The following SUMF1 variants were observed in gnomAD, a reference collection of about 807,000 sequenced individuals.
SUMF1 encodes the protein formylglycine-generating enzyme.
A neutral mutation model predicts 47.6 loss-of-function variants in SUMF1; 48 were observed. The ratio of observed to expected loss-of-function variants is 1.01; its 90% CI spans 0.80 to 1.28. The LOEUF is 1.28. Among genes scored for constraint, SUMF1 ranks in the 50% most tolerant of loss-of-function variants. The pLI is 0.00. For synonymous variants in SUMF1, 230 were observed against 192.1 expected (o/e 1.20, Z -1.63); for missense variants, 571 against 485.4 (o/e 1.18, Z -1.66).
intron 8 of SUMF1, among the ~76,000 whole-genome samples, chr3:4,177,275 C>A (rs1694987484): frequency 6.6e-6 from 1 of 152,070 alleles, no homozygotes; most frequent in African/African-American, 2.4e-5. Context: ...CTAAAATTGA[C>A]CACATAATTG....
At position 4,170,541 on chromosome 3, in the gene SUMF1, A is replaced by G. The variant is rs1342893852; in HGVS notation, c.1015-101796T>C. 2.6e-5 allele frequency among the ~76,000 whole-genome samples: 4 copies of G among 152,214 alleles called. No homozygotes were observed. The East Asian group carries it at 7.7e-4, about 29-fold the overall frequency. ...TTTAAAATTGCATTTGATTTTGAAA[A>G]ATGAACACAGTTGGAAGATTTACAC... On this transcript the variant is annotated intron_variant and NMD_transcript_variant, in intron 8 of 12. Coordinates refer to the SUMF1 transcript ENST00000448413.
intron 8 of SUMF1, among the ~76,000 whole-genome samples, chr3:4,338,006 T>A (rs1465073454): frequency 6.6e-6 from 1 of 152,212 alleles, no homozygotes; most frequent in Non-Finnish European, 1.5e-5. Flanking sequence ...ACACCAGGCC[T>A]CCCCTCTATC....
chr3:4,385,630 T>TAA (rs760518008), intron 7 of SUMF1, among the ~76,000 whole-genome samples: 38 of 152,374 alleles, frequency 2.5e-4, no homozygotes, highest in Admixed American at 3.9e-4. Flanking sequence ...CTAGTTTTTA[T>TAA]AAAGTCCAGT....
intron 8 of SUMF1, among the ~76,000 whole-genome samples, chr3:4,180,706 AG>A (rs1389957515): frequency 6.6e-6 from 1 of 151,872 alleles, no homozygotes; most frequent in Admixed American, 6.6e-5. Flanking sequence ...ACACAAAATT[AG>A]CCAGGCATGG....
At chr3:4,181,772 A>G (rs1899782) in intron 8 of SUMF1, among the ~76,000 whole-genome samples, 72,278 of 151,820 alleles carry the variant, frequency 0.48, 17,405 homozygotes, top group East Asian at 0.58. Context: ...GGCTCCAAGA[A>G]CCCAGGACCA....
intron 8 of SUMF1, among the ~76,000 whole-genome samples, chr3:4,251,831 AC>A (rs2125010870): frequency 6.6e-6 from 1 of 152,328 alleles, no homozygotes; most frequent in Admixed American, 6.5e-5. Context: ...AAGATAACTC[AC>A]TGAAGGCTCA....
At chr3:4,330,660 A>T (rs111727902) in intron 8 of SUMF1, among the ~76,000 whole-genome samples, 1 of 152,220 alleles carries the variant, frequency 6.6e-6, no homozygotes, top group Admixed American at 6.5e-5. Flanking sequence ...CAAATCAGAC[A>T]GCATGAGGCC....
intron 8 of SUMF1, among the ~76,000 whole-genome samples, chr3:4,291,565 A>G (rs1348619906): frequency 6.6e-6 from 1 of 152,140 alleles, no homozygotes; most frequent in Non-Finnish European, 1.5e-5. Context: ...GTGAATAAGG[A>G]TTTTATACTT....
chr3:4,170,736 T>C (rs1036100936), intron 8 of SUMF1, among the ~76,000 whole-genome samples: 3 of 152,128 alleles, frequency 2.0e-5, no homozygotes, highest in East Asian at 1.9e-4. Context: ...GAAAAAAGAA[T>C]TGTCTTTTCA....
chr3:4,061,820 A>C (rs1200372780), intron 9 of SUMF1, among the ~76,000 whole-genome samples: 3 of 152,150 alleles, frequency 2.0e-5, no homozygotes, highest in Non-Finnish European at 4.4e-5. Context: ...CTGTTTACAC[A>C]TCTAGTTAGG....
At chr3:4,440,105 G>A (rs1385007839) in intron 3 of SUMF1, among the ~76,000 whole-genome samples, 4 of 151,736 alleles carry the variant, frequency 2.6e-5, no homozygotes, top group Non-Finnish European at 5.9e-5. Flanking sequence ...GCTTGGTGGC[G>A]GGAGCCTATA....
At chr3:4,440,712 T>C (rs1349369698) in intron 3 of SUMF1, among the ~76,000 whole-genome samples, 1 of 152,244 alleles carries the variant, frequency 6.6e-6, no homozygotes, top group African/African-American at 2.4e-5. Context: ...TGAAAGTGAC[T>C]TTCAGTTGAA....
At chr3:4,357,898 G>A (rs960009084), downstream of SUMF1, among the ~76,000 whole-genome samples, 33 of 151,970 alleles carry the variant, frequency 2.2e-4, no homozygotes, top group Middle Eastern at 3.2e-3. Context: ...ATGAGCCACC[G>A]TGCCTGGCCC....
At chr3:4,120,072 G>A (rs12106726) in intron 8 of SUMF1, among the ~76,000 whole-genome samples, 1 of 152,062 alleles carries the variant, frequency 6.6e-6, no homozygotes, top group East Asian at 1.9e-4. Flanking sequence ...AGCTGAGCCA[G>A]GCACAATGTT....
intron 7 of SUMF1, among the ~76,000 whole-genome samples, chr3:4,395,786 G>A (rs1197537394): frequency 6.6e-6 from 1 of 152,146 alleles, no homozygotes; most frequent in Non-Finnish European, 1.5e-5. Context: ...GTCACTTTCA[G>A]ACCCCAAAGT....
intron 8 of SUMF1, among the ~76,000 whole-genome samples, chr3:4,146,896 A>T (rs181976745): frequency 1.3e-5 from 2 of 152,242 alleles, no homozygotes; most frequent in African/African-American, 4.8e-5. Flanking sequence ...ATAGTATTCC[A>T]TGGTGTATAT....
intron 3 of SUMF1, among the ~76,000 whole-genome samples, chr3:4,435,668 G>T (rs566855554): frequency 6.6e-6 from 1 of 152,168 alleles, no homozygotes; most frequent in African/African-American, 2.4e-5. Context: ...CACAATACAT[G>T]TAAGAGAAGT....
At chr3:4,157,305 C>G (rs1421381968) in intron 8 of SUMF1, among the ~76,000 whole-genome samples, 1 of 151,466 alleles carries the variant, frequency 6.6e-6, no homozygotes, top group Non-Finnish European at 1.5e-5. Flanking sequence ...AGGGAAGAGG[C>G]CTTTACCTTC....
intron 7 of SUMF1, among the ~76,000 whole-genome samples, chr3:4,395,684 T>A (rs1055850449): frequency 4.6e-5 from 7 of 152,190 alleles, no homozygotes; most frequent in African/African-American, 7.2e-5. Context: ...TGCTACTTGT[T>A]TCACCCACAC....
Sources: allele counts gnomAD v4.1 joint callset (sites outside exome capture counted in the v4.1 genomes callset), GRCh38; gene constraint gnomAD v4.1.1; transcripts MANE v1.5; gene names NCBI Gene and HGNC (gene_info 2026-07-23, HGNC 2026-07-21).